Variants in USP33 observed in about 807,000 individuals in gnomAD.
The protein encoded by USP33 is ubiquitin specific peptidase 33.
USP33 carries 46 observed loss-of-function variants against 124.2 expected under a neutral mutation model. The observed-to-expected ratio is 0.37, with a 90% confidence interval of 0.29 to 0.47. The LOEUF (loss-of-function observed/expected upper bound fraction) is 0.47, where lower values mean the gene tolerates loss of function less well. Ranked by LOEUF, USP33 falls within the 20% of genes least tolerant of loss-of-function variation. USP33 has a pLI of 0.99. For synonymous variants in USP33, 350 were observed against 352.3 expected (o/e 0.99, Z 0.07); for missense variants, 851 against 1,070.6 (o/e 0.79, Z 2.86).
At chr1:77,718,101 T>TTA in intron 16 of USP33, 54 bp from the exon 17 acceptor site, 1 of 1,441,300 alleles carries the variant, frequency 6.9e-7, no homozygotes, top group Non-Finnish European at 9.4e-7. Context: ...ACAAAAAGCA[T>TTA]TATAACAGGT....
intron 17 of USP33, among the ~76,000 whole-genome samples, chr1:77,717,142 G>C (rs1020457869): frequency 5.9e-5 from 9 of 151,848 alleles, no homozygotes; most frequent in South Asian, 2.1e-4. Context: ...TGGGATTACA[G>C]GTATGAGCCA....
chr1:77,744,508 A>G (rs1679515769), intron 1 of USP33, among the ~76,000 whole-genome samples: 1 of 152,186 alleles, frequency 6.6e-6, no homozygotes, highest in African/African-American at 2.4e-5. Context: ...TGTACATCAA[A>G]AACAAATTAC....
At chr1:77,724,779 C>G (rs745561123) in intron 11 of USP33, among the ~76,000 whole-genome samples, 75 of 151,968 alleles carry the variant, frequency 4.9e-4, no homozygotes, top group Non-Finnish European at 1.0e-3. Context: ...GATATTAGGC[C>G]GGGCATGGTG....
chr1:77,728,344 G>A lies in USP33; in HGVS notation c.1086C>T (p.Asp362=), dbSNP rs1398087452. 1 of 1,608,400 alleles carries A rather than the reference G, an allele frequency of 6.2e-7. No homozygotes were observed. Among genetic ancestry groups the A allele is most frequent in the East Asian group, 2.2e-5 (1 of 44,844 alleles). ...KDRDSISETV[D]LNNQETVKVQ... is the part of the protein sequence containing the mutation. ...CTTTGACAGTTTCCTGGTTGTTTAA[G>A]TCGACTGTTTCAGATATAGAGTCTC... The change falls in exon 10 of 24, where the codon GAC becomes GAT. Residue 362 remains aspartate, a synonymous_variant. Transcript: ENST00000370794.
rs1200528233 is a variant in USP33, at chr1:77,720,231, G to A, written c.1691+941C>T. The stretch of plus-strand genomic sequence containing the variant: ...ACATGTGGAAAAAAAGATAAAGGAT[G>A]GTTATTATTATATAATCAAAATTAA... On this transcript the variant is annotated intron_variant, in intron 15 of 23. Coordinates refer to ENST00000370794, the MANE Select transcript of USP33 (RefSeq NM_201624.3). The A allele has an allele frequency of 7.9e-6, 4 of 505,166 alleles. No individual in the cohort carries two copies. In the African/African-American group the frequency reaches 8.5e-5, roughly 11 times the overall value. 31.3% of individuals were successfully genotyped at this position (505,166 alleles called of 1,614,324 possible).
At position 77,701,361 on chromosome 1, in the gene USP33, CCA is replaced by C. The variant is rs1673994569; in HGVS notation, c.2509+6_2509+7del. On this transcript the variant is annotated splice_donor_region_variant and intron_variant, in intron 22 of 23. Coordinates refer to ENST00000370794, the MANE Select transcript of USP33 (RefSeq NM_201624.3). ...TACCAAAAAAAAATTTTTCAGTCAA[CCA>C]CTTACCTCCATCTTTACCCTTCACA... The C allele has an allele frequency of 1.3e-6, 2 of 1,584,168 alleles. No individual in the cohort carries two copies. The highest frequency in any genetic ancestry group is 4.5e-5 in the East Asian group (2 of 44,512).
chr1:77,744,491 T>C (rs902897415), intron 1 of USP33, among the ~76,000 whole-genome samples: 1 of 152,080 alleles, frequency 6.6e-6, no homozygotes, highest in African/African-American at 2.4e-5. Flanking sequence ...ACACACAAAC[T>C]ACACCATGTA....
intron 7 of USP33, 46 bp from the exon 8 acceptor site, chr1:77,730,777 ACT>A: frequency 1.5e-6 from 2 of 1,306,346 alleles, no homozygotes; most frequent in Non-Finnish European, 2.1e-6. Context: ...CAAAGCTAAT[ACT>A]GATTATTTCT....
At chr1:77,712,274 T>C (rs1469340576) in intron 20 of USP33, among the ~76,000 whole-genome samples, 1 of 152,224 alleles carries the variant, frequency 6.6e-6, no homozygotes, top group Non-Finnish European at 1.5e-5. Flanking sequence ...ACATAATTAG[T>C]AGGAAAACTG....
At chr1:77,698,633 T>G (rs1368279174) in intron 22 of USP33, among the ~76,000 whole-genome samples, 4 of 151,562 alleles carry the variant, frequency 2.6e-5, no homozygotes, top group Non-Finnish European at 5.9e-5. Context: ...CCCGAGTAGC[T>G]GGGACTACAG....
At position 77,698,000 on chromosome 1, in the gene USP33, G is replaced by T. The variant is rs997098123; in HGVS notation, c.2510-69C>A. ...CAAAAAATTGCATAATTTTGTGCTTGACAAAATTGTGACCTATAACTACAT... is the reference window on the plus strand; with the variant it reads ...CAAAAAATTGCATAATTTTGTGCTTTACAAAATTGTGACCTATAACTACAT... On this transcript the variant is annotated intron_variant, in intron 22 of 23. Transcript: ENST00000370794. 3 of 1,306,480 alleles carry T rather than the reference G, an allele frequency of 2.3e-6. No homozygotes were observed. The African/African-American group carries it at 4.5e-5, about 19-fold the overall frequency. The allele number at this position is 1,306,480 out of a possible 1,614,324, so 80.9% of individuals were successfully genotyped here.
At chr1:77,749,177 T>C (rs557293323) in intron 1 of USP33, among the ~76,000 whole-genome samples, 5 of 152,228 alleles carry the variant, frequency 3.3e-5, no homozygotes, top group Admixed American at 6.5e-5. Flanking sequence ...TTGGGGTCTA[T>C]GGTGTTTACT....
chr1:77,722,062 T>A lies in USP33; in HGVS notation c.1524A>T (p.Pro508=). The A allele has an allele frequency of 6.2e-7, 1 of 1,614,048 alleles. No homozygotes were observed. Among genetic ancestry groups the A allele is most frequent in the South Asian group, 1.1e-5 (1 of 91,062 alleles). Residue 508 remains proline, a synonymous_variant, in exon 13 of 24, where the codon CCA becomes CCT. Transcript: ENST00000370794. ...KAGSCGEAYA[P]QGWIAFFMEY... is the part of the protein sequence containing the mutation. Reference sequence around the variant, plus strand: ...CCATGAAAAAAGCTATCCACCCTTGTGGAGCATATGCTTCGCCACATGATC... The same window carrying A: ...CCATGAAAAAAGCTATCCACCCTTGAGGAGCATATGCTTCGCCACATGATC...
Position 77,739,303 on chromosome 1 carries a change from C to A in USP33, c.313G>T (p.Val105Leu), listed in dbSNP as rs751369160. 1 of 1,613,904 alleles carries A rather than the reference C, an allele frequency of 6.2e-7. No homozygotes were observed. The highest frequency in any genetic ancestry group is 8.5e-7 in the Non-Finnish European group (1 of 1,179,910). The stretch of plus-strand genomic sequence containing the variant: ...TCTTGTATTTGGTGAGGTTGTCTTA[C>A]ATGAGGCAATGAAGGCTGAGTTCCT... The part of the protein sequence containing the change: ...KLGTQPSLPH[V>L]RQPHQIQENS... The change falls in exon 5 of 24, where the codon GTA (valine) becomes TTA (leucine). Residue 105 changes from valine to leucine, a missense_variant. By Grantham distance (32) the Val-to-Leu change is conservative. Around this residue, in one of 4 missense-constraint regions of USP33, gnomAD observed 221 missense variants for 302.9 expected, o/e 0.73. Coordinates refer to ENST00000370794, the MANE Select transcript of USP33 (RefSeq NM_201624.3).
chr1:77,716,566 C>A (rs148506764), intron 17 of USP33, among the ~76,000 whole-genome samples: 23 of 152,292 alleles, frequency 1.5e-4, no homozygotes, highest in African/African-American at 5.3e-4. Context: ...TGAGTCAACA[C>A]CACTAGAGGG....
intron 21 of USP33, among the ~76,000 whole-genome samples, chr1:77,703,694 T>C (rs1189526190): frequency 2.6e-5 from 4 of 152,214 alleles, no homozygotes; most frequent in Non-Finnish European, 4.4e-5. Context: ...GTGCCTCTAA[T>C]TCTGTTCAAT....
intron 10 of USP33, among the ~76,000 whole-genome samples, chr1:77,726,548 A>C (rs1677179584): frequency 6.6e-6 from 1 of 151,298 alleles, no homozygotes; most frequent in South Asian, 2.1e-4. Flanking sequence ...CAAGAGGCTG[A>C]GGTGGGAGGA....
At chr1:77,748,779 T>TTCCCCC (rs1428350967) in intron 1 of USP33, among the ~76,000 whole-genome samples, 2 of 47,632 alleles carry the variant, frequency 4.2e-5, no homozygotes, top group Non-Finnish European at 8.0e-5. Context: ...ATTCCTTCCC[T>TTCCCCC]CCCCCCCCCC....
At chr1:77,748,625 C>T (rs757315071) in intron 1 of USP33, among the ~76,000 whole-genome samples, 208 of 150,596 alleles carry the variant, frequency 1.4e-3, no homozygotes, top group Middle Eastern at 6.8e-3. Flanking sequence ...GCCAAGATTG[C>T]GTCACTGCAC....
Sources: gnomAD v4.1 joint callset for allele counts (sites outside exome capture counted in the v4.1 genomes callset) on GRCh38, gnomAD v4.1.1 for gene constraint, gnomAD v4.1.1 regional missense constraint, MANE v1.5 for transcripts, NCBI Gene and HGNC (gene_info 2026-07-23, HGNC 2026-07-21) for gene names.